The following RAB2A variants were observed in gnomAD, a reference collection of about 807,000 sequenced individuals.
The protein encoded by RAB2A is RAB2A, member RAS oncogene family, also known as ras-related protein Rab-2A.
In RAB2A, 7 loss-of-function variants were observed where a neutral mutation model predicts 32.5. The ratio of observed to expected loss-of-function variants is 0.22; its 90% CI spans 0.12 to 0.40. The LOEUF is 0.40. Ranked by LOEUF, RAB2A falls within the 10% of genes least tolerant of loss-of-function variation. The probability of loss-of-function intolerance (pLI) is 1.00; values close to 1 mark genes in which losing one functional copy is unlikely to be tolerated. For synonymous variants in RAB2A, 79 were observed against 85.2 expected, an observed-to-expected ratio of 0.93 and a Z score of 0.40; for missense variants, 108 against 260.7, an observed-to-expected ratio of 0.41 and a Z score of 4.03.
chr8:60,534,214 C>T (rs1807523989), intron 1 of RAB2A, among the ~76,000 whole-genome samples: 1 of 152,212 alleles, frequency 6.6e-6, no homozygotes, highest in African/African-American at 2.4e-5. Context: ...TGAGCACCTG[C>T]TTACTGTATG....
At chr8:60,553,180 G>A (rs1209456580) in intron 1 of RAB2A, 1 of 152,214 alleles carries the variant, frequency 6.6e-6, no homozygotes, top group Non-Finnish European at 1.5e-5. Context: ...AGATAGAGAT[G>A]GGAGTTGAAA....
intron 6 of RAB2A, 106 bp downstream of exon 6, chr8:60,592,075 C>A: frequency 3.3e-6 from 2 of 604,940 alleles, no homozygotes; most frequent in Non-Finnish European, 5.6e-6. Flanking sequence ...GGTCTTTGAA[C>A]ATCATAAAGT....
intron 3 of RAB2A, among the ~76,000 whole-genome samples, chr8:60,583,253 A>T (rs1039273107): frequency 1.3e-5 from 2 of 152,200 alleles, no homozygotes; most frequent in African/African-American, 4.8e-5. Flanking sequence ...AATCGTTAAA[A>T]TTGGCTTTAC....
Position 60,537,486 on chromosome 8 carries a change from G to A in RAB2A, c.46+20233G>A, listed in dbSNP as rs78460761. Among the ~76,000 whole-genome samples, 1,695 of 152,232 alleles carry A rather than the reference G, an allele frequency of 0.011. 75 individuals are homozygous for A. The East Asian group carries it at 0.11, about 10-fold the overall frequency. On this transcript the variant is annotated intron_variant, in intron 1 of 7. Transcript: ENST00000262646. The stretch of plus-strand genomic sequence containing the variant: ...AATCCACCCGCCTCGACCTTCCAAA[G>A]TGCAGGGATTACAGGCGTGAGCCAC...
chr8:60,611,292 A>C (rs548821302), intron 6 of RAB2A, among the ~76,000 whole-genome samples: 9 of 151,990 alleles, frequency 5.9e-5, no homozygotes, highest in Non-Finnish European at 1.2e-4. Context: ...CCACATCTCT[A>C]ACTTTATCTC....
chr8:60,524,400 T>C (rs1357675598), intron 1 of RAB2A, among the ~76,000 whole-genome samples: 1 of 152,244 alleles, frequency 6.6e-6, no homozygotes, highest in Non-Finnish European at 1.5e-5. Context: ...CTGCTCACTT[T>C]AGTCTATGAG....
chr8:60,544,987 C>T (rs376475877), intron 1 of RAB2A, among the ~76,000 whole-genome samples: 3 of 151,672 alleles, frequency 2.0e-5, no homozygotes, highest in Non-Finnish European at 4.4e-5. Flanking sequence ...TCAAGCAGTC[C>T]GCCTGCCACG....
intron 2 of RAB2A, among the ~76,000 whole-genome samples, chr8:60,566,132 C>A (rs1482113787): frequency 3.9e-5 from 6 of 152,148 alleles, no homozygotes; most frequent in Non-Finnish European, 8.8e-5. Flanking sequence ...CTCCAGCAAC[C>A]ACTGAGTGGT....
chr8:60,595,426 C>CA, intron 6 of RAB2A, among the ~76,000 whole-genome samples: 1 of 151,902 alleles, frequency 6.6e-6, no homozygotes, highest in East Asian at 1.9e-4. Context: ...TGTTGGTGGT[C>CA]AAAATACACA....
At chr8:60,566,059 A>G (rs999926363) in intron 2 of RAB2A, among the ~76,000 whole-genome samples, 3 of 152,172 alleles carry the variant, frequency 2.0e-5, no homozygotes, top group Non-Finnish European at 4.4e-5. Flanking sequence ...CTCTCAGAAT[A>G]TGATCATTGT....
At chr8:60,557,670 A>G (rs959591501) in intron 1 of RAB2A, among the ~76,000 whole-genome samples, 3 of 151,920 alleles carry the variant, frequency 2.0e-5, no homozygotes, top group Non-Finnish European at 4.4e-5. Context: ...GGTTCAGACT[A>G]TCCTCCCACC....
intron 6 of RAB2A, among the ~76,000 whole-genome samples, chr8:60,599,031 C>T (rs1804084672): frequency 6.8e-6 from 1 of 146,600 alleles, no homozygotes; most frequent in African/African-American, 2.5e-5. Flanking sequence ...ATGTAATTGT[C>T]TCAGTAGGAA....
At chr8:60,592,477 C>T (rs760569860) in intron 6 of RAB2A, among the ~76,000 whole-genome samples, 6 of 151,442 alleles carry the variant, frequency 4.0e-5, no homozygotes, top group Non-Finnish European at 8.8e-5. Flanking sequence ...GACAGCAGAA[C>T]GTTTGTAGCT....
intron 6 of RAB2A, among the ~76,000 whole-genome samples, chr8:60,618,148 G>A (rs901019594): frequency 6.6e-6 from 1 of 152,290 alleles, no homozygotes; most frequent in African/African-American, 2.4e-5. Context: ...GCACTTGTTG[G>A]CTGTTGTGAA....
At chr8:60,551,103 C>T (rs1030985046) in intron 1 of RAB2A, among the ~76,000 whole-genome samples, 1 of 152,162 alleles carries the variant, frequency 6.6e-6, no homozygotes, top group Non-Finnish European at 1.5e-5. Context: ...ACACATCTTC[C>T]TCCTTCCCTC....
rs114964038 is a variant in RAB2A at position 60,582,867 on chromosome 8, A to G, written c.187-1341A>G. Among the ~76,000 whole-genome samples, 1,050 of 152,266 alleles carry G rather than the reference A, an allele frequency of 6.9e-3. 12 individuals are homozygous for G. Among genetic ancestry groups the G allele is most frequent in the African/African-American group, 0.024 (1,000 of 41,564 alleles). On this transcript the variant is annotated intron_variant, in intron 3 of 7. Transcript: ENST00000262646. ...TGGAACACTAGGCATAAATGGGTTA[A>G]AAACTCCCAGGCTCAAGCGATCCAC...
chr8:60,541,068 G>C (rs890999884), intron 1 of RAB2A, among the ~76,000 whole-genome samples: 8 of 152,260 alleles, frequency 5.3e-5, no homozygotes, highest in Admixed American at 5.2e-4. Flanking sequence ...AGTCAACAGT[G>C]ATCAGTCACA....
intron 2 of RAB2A, among the ~76,000 whole-genome samples, chr8:60,561,303 C>T (rs1808021783): frequency 2.0e-5 from 3 of 152,092 alleles, no homozygotes; most frequent in South Asian, 2.1e-4. Flanking sequence ...ACTGGCATAC[C>T]GTTTTTTTTC....
intron 5 of RAB2A, 136 bp from the exon 6 acceptor site, chr8:60,591,722 A>G: frequency 1.7e-6 from 1 of 584,598 alleles, no homozygotes; most frequent in Non-Finnish European, 3.1e-6. Context: ...TAATACCCTG[A>G]ATAATACAGT....
Sources: allele counts gnomAD v4.1 joint callset (sites outside exome capture counted in the v4.1 genomes callset), GRCh38; gene constraint gnomAD v4.1.1; transcripts MANE v1.5; gene names NCBI Gene and HGNC (gene_info 2026-07-23, HGNC 2026-07-21).